The following TTC7A variants were observed in gnomAD, a reference collection of about 807,000 sequenced individuals.
The protein encoded by TTC7A is tetratricopeptide repeat domain 7A.
TTC7A carries 110 observed loss-of-function variants against 103.7 expected under a neutral mutation model. The ratio of observed to expected loss-of-function variants is 1.06; its 90% confidence interval spans 0.91 to 1.24. TTC7A has a LOEUF of 1.24. TTC7A is among the 50% of genes most tolerant of loss of function. TTC7A has a pLI of 0.00. For synonymous variants in TTC7A, 521 were observed against 467.9 expected (o/e 1.11, Z -1.47); for missense variants, 1,340 against 1,116.3 (o/e 1.20, Z -2.86).
chr2:46,979,561 G>T (rs1674231610), intron 5 of TTC7A, among the ~76,000 whole-genome samples: 1 of 152,166 alleles, frequency 6.6e-6, no homozygotes, highest in African/African-American at 2.4e-5. Flanking sequence ...TTGCTCCTGG[G>T]TGAAGCAAGA....
At chr2:46,919,895 T>C (rs1669008552) in intron 2 of TTC7A, among the ~76,000 whole-genome samples, 1 of 152,262 alleles carries the variant, frequency 6.6e-6, no homozygotes. Flanking sequence ...ATGGGTTGCA[T>C]GTTCTAGGCT....
At chr2:47,045,769 ATACTG>A (rs1350865738) in intron 15 of TTC7A, among the ~76,000 whole-genome samples, 1 of 152,202 alleles carries the variant, frequency 6.6e-6, no homozygotes, top group African/African-American at 2.4e-5. Flanking sequence ...TTGGGCACCT[ATACTG>A]TTGTGGCTGG....
chr2:47,035,170 G>C (rs1043706515), intron 15 of TTC7A: 5 of 152,156 alleles, frequency 3.3e-5, no homozygotes, highest in African/African-American at 1.2e-4. Flanking sequence ...TAACATTCCT[G>C]ACTTAAACCC....
upstream of TTC7A, among the ~76,000 whole-genome samples, chr2:46,940,768 T>C (rs1262843290): frequency 1.3e-5 from 2 of 152,182 alleles, no homozygotes; most frequent in Non-Finnish European, 2.9e-5. This position sits in a 1 kb window ranked among gnomAD's most constrained non-coding sequence, Gnocchi z 4.7. Flanking sequence ...CTCGCGAGCA[T>C]GCCTGGCCCG....
chr2:47,020,498 C>T (rs1474301996), intron 11 of TTC7A, among the ~76,000 whole-genome samples: 1 of 152,214 alleles, frequency 6.6e-6, no homozygotes, highest in Non-Finnish European at 1.5e-5. Context: ...CCCAGCTCCC[C>T]AGACACCCTC....
intron 15 of TTC7A, among the ~76,000 whole-genome samples, chr2:47,034,969 A>C (rs1680950570): frequency 6.6e-6 from 1 of 152,210 alleles, no homozygotes; most frequent in Non-Finnish European, 1.5e-5. Context: ...TGTTTTGGAA[A>C]ATGTTTGAGC....
upstream of TTC7A, among the ~76,000 whole-genome samples, chr2:46,940,300 A>C (rs945051478): frequency 6.6e-6 from 1 of 152,190 alleles, no homozygotes; most frequent in Non-Finnish European, 1.5e-5. This position sits in a 1 kb window ranked among gnomAD's most constrained non-coding sequence, Gnocchi z 4.7. Flanking sequence ...TTGAGTCTTC[A>C]GTCTGGACCA....
intron 4 of TTC7A, 94 bp downstream of exon 4, chr2:46,975,197 T>G: frequency 6.6e-7 from 1 of 1,519,924 alleles, no homozygotes. Context: ...TGTGTGCTAA[T>G]TAGAAGAAGT....
chr2:46,992,497 C>T (rs1449678784), intron 5 of TTC7A, among the ~76,000 whole-genome samples: 2 of 152,172 alleles, frequency 1.3e-5, no homozygotes, highest in Non-Finnish European at 2.9e-5. Context: ...TAGGGGACTG[C>T]GGTCATTCAG....
At chr2:46,984,044 C>G (rs1049841788) in intron 5 of TTC7A, among the ~76,000 whole-genome samples, 1 of 152,226 alleles carries the variant, frequency 6.6e-6, no homozygotes, top group Non-Finnish European at 1.5e-5. Flanking sequence ...ACACCAGGCA[C>G]TTGCATGTCT....
At chr2:47,006,808 G>T in intron 10 of TTC7A, 84 bp downstream of exon 10, 8 of 1,107,626 alleles carry the variant, frequency 7.2e-6, no homozygotes, top group Non-Finnish European at 1.1e-5. Flanking sequence ...TCTGGCCAGG[G>T]GAGTGGGTGG....
At chr2:46,962,375 C>T (rs1344668624) in intron 3 of TTC7A, among the ~76,000 whole-genome samples, 2 of 152,170 alleles carry the variant, frequency 1.3e-5, no homozygotes, top group African/African-American at 4.8e-5. Flanking sequence ...TCCATTCTAC[C>T]CAGTTAGGGG....
In TTC7A at chr2:46,994,591, C is replaced by T. The variant is rs898605904; in HGVS notation, c.1001+77C>T. The T allele has an allele frequency of 3.4e-6, 5 of 1,469,596 alleles. No individual in the cohort carries two copies. The Admixed American group carries it at 7.0e-5, about 21-fold the overall frequency. The allele number at this position is 1,469,596 out of a possible 1,614,324, so 91.0% of individuals were successfully genotyped here. On this transcript the variant is annotated intron_variant, in intron 7 of 19. Coordinates refer to ENST00000319190, the MANE Select transcript of TTC7A (RefSeq NM_020458.4). ...GTTCTGTCCCCACTGGTGGCTTCCT[C>T]TTTGCCCCATGCTCTCCTCCAGTCT...
intron 10 of TTC7A, among the ~76,000 whole-genome samples, chr2:47,009,596 A>T (rs1677799142): frequency 6.6e-6 from 1 of 152,036 alleles, no homozygotes; most frequent in African/African-American, 2.4e-5. Flanking sequence ...GTGGACATAG[A>T]CCATTCGGAT....
At chr2:46,961,939 G>A (rs1334968992) in intron 3 of TTC7A, among the ~76,000 whole-genome samples, 1 of 152,134 alleles carries the variant, frequency 6.6e-6, no homozygotes, top group East Asian at 1.9e-4. Context: ...GAATGCTTTG[G>A]TTTCAAGGCT....
chr2:46,969,858 A>G (rs779700848), intron 3 of TTC7A, among the ~76,000 whole-genome samples: 2 of 152,198 alleles, frequency 1.3e-5, no homozygotes, highest in African/African-American at 4.8e-5. Flanking sequence ...TCAGTCGGAA[A>G]TGGGTAGAGA....
intron 2 of TTC7A, among the ~76,000 whole-genome samples, chr2:46,935,075 A>C (rs1325427663): frequency 6.6e-6 from 1 of 152,118 alleles, no homozygotes; most frequent in African/African-American, 2.4e-5. Context: ...TGGGGATTAC[A>C]GGTGTGAGCC....
intron 11 of TTC7A, among the ~76,000 whole-genome samples, chr2:47,020,267 G>C (rs552919350): frequency 1.3e-5 from 2 of 152,346 alleles, no homozygotes; most frequent in Admixed American, 6.5e-5. Context: ...CCTGTCTGGG[G>C]CTTGTCTTCC....
At chr2:47,071,028 C>A (rs1299732439) in intron 19 of TTC7A, 1 of 152,262 alleles carries the variant, frequency 6.6e-6, no homozygotes, top group African/African-American at 2.4e-5. Flanking sequence ...GATGTCAGTT[C>A]TTGTTCCCAC....
Sources: gnomAD v4.1 joint callset for allele counts (sites outside exome capture counted in the v4.1 genomes callset) on GRCh38, gnomAD v4.1.1 for gene constraint, Gnocchi (gnomAD v3.1) non-coding constraint, MANE v1.5 for transcripts, NCBI Gene and HGNC (gene_info 2026-07-23, HGNC 2026-07-21) for gene names.